The following PPP2R5A variants were observed in gnomAD, a reference collection of about 807,000 sequenced individuals.
PPP2R5A encodes the protein protein phosphatase 2 regulatory subunit B'alpha.
In PPP2R5A, 25 loss-of-function variants were observed where a neutral mutation model predicts 64.2. That is an observed-to-expected ratio of 0.39 (90% confidence interval 0.28 to 0.54). PPP2R5A has a LOEUF of 0.54. Among genes scored for constraint, PPP2R5A ranks in the 20% least tolerant of loss-of-function variants. PPP2R5A has a pLI of 0.67. For synonymous variants in PPP2R5A, 198 were observed against 201.2 expected, an observed-to-expected ratio of 0.98 and a Z score of 0.13; for missense variants, 425 against 576.3, an observed-to-expected ratio of 0.74 and a Z score of 2.69.
At chr1:212,356,085 A>G (rs1459574140) in intron 8 of PPP2R5A, among the ~76,000 whole-genome samples, 1 of 152,114 alleles carries the variant, frequency 6.6e-6, no homozygotes, top group Non-Finnish European at 1.5e-5. Flanking sequence ...ATAAATAAAA[A>G]TAGTCTCTTT....
At chr1:212,312,376 T>C (rs1408099850) in intron 1 of PPP2R5A, among the ~76,000 whole-genome samples, 1 of 152,224 alleles carries the variant, frequency 6.6e-6, no homozygotes, top group African/African-American at 2.4e-5. Context: ...GTATTCTAAC[T>C]GAATTTTCAT....
At position 212,286,262 on chromosome 1, in the gene PPP2R5A, C is replaced by T. The variant is rs866190911; in HGVS notation, c.152C>T (p.Ala51Val). 3.3e-6 allele frequency: 5 copies of T among 1,537,878 alleles called. No individual in the cohort carries two copies. In the East Asian group the frequency reaches 1.0e-4, roughly 32 times the overall value. Reference sequence around the variant, plus strand: ...CAGTTTCGCAGCCAGGGCAGCCAGGCAGAGCTGCACCCGCTGCCCCAGCTC... The same window carrying T: ...CAGTTTCGCAGCCAGGGCAGCCAGGTAGAGCTGCACCCGCTGCCCCAGCTC... ...SSQFRSQGSQ[A>V]ELHPLPQLKD... is the part of the protein sequence containing the mutation. Residue 51 changes from alanine (A) to valine (V), a missense_variant, in exon 1 of 13, where the codon GCA becomes GTA. Transcript: ENST00000261461.
intron 1 of PPP2R5A, among the ~76,000 whole-genome samples, chr1:212,308,209 G>C (rs913302613): frequency 6.6e-6 from 1 of 152,116 alleles, no homozygotes; most frequent in Non-Finnish European, 1.5e-5. Flanking sequence ...TCTGGCCTCA[G>C]TTGTTTTTGC....
At chr1:212,349,053 C>A in intron 7 of PPP2R5A, 136 bp from the exon 8 acceptor site, 1 of 468,216 alleles carries the variant, frequency 2.1e-6, no homozygotes, top group Non-Finnish European at 3.5e-6. Context: ...ATTTCATTCA[C>A]AGTTGTGAGT....
intron 1 of PPP2R5A, among the ~76,000 whole-genome samples, chr1:212,295,606 A>G (rs1352074684): frequency 6.6e-6 from 1 of 152,206 alleles, no homozygotes; most frequent in Non-Finnish European, 1.5e-5. Flanking sequence ...GGTAAGGGAA[A>G]AAGGTACAAC....
intron 1 of PPP2R5A, chr1:212,319,681 C>G (rs1198871322): frequency 7.3e-6 from 1 of 137,674 alleles, no homozygotes; most frequent in Non-Finnish European, 1.5e-5. Flanking sequence ...AGTGCAATGG[C>G]GCGATCTCGG....
chr1:212,301,930 T>G (rs1658805310), intron 1 of PPP2R5A: 1 of 1,321,256 alleles, frequency 7.6e-7, no homozygotes, highest in Admixed American at 3.2e-5. Flanking sequence ...AGTTATAAAA[T>G]TATTATTTGT....
chr1:212,297,096 CTTTTTTTTTTTTTTTTTTTTTTTTT>C lies in PPP2R5A; in HGVS notation c.181+10823_181+10847del, dbSNP rs869112186. 2.1e-4 allele frequency among the ~76,000 whole-genome samples: 17 copies of C among 82,670 alleles called. No individual in the cohort carries two copies. The East Asian group carries it at 3.4e-3, about 16-fold the overall frequency. The allele number at this position is 82,670 out of a possible 152,430, so 54.2% of individuals were successfully genotyped here. ...TTTCTTTTCTTTTTCTTTGCTTCTT[CTTTTTTTTTTTTTTTTTTTTTTTTT>C]TTTTTTTTTTTTTTTTTGGAGACGG... On this transcript the variant is annotated intron_variant, in intron 1 of 12. Transcript: ENST00000261461.
rs75305252 is a variant in PPP2R5A, at chr1:212,319,947, G to T, written c.182-9188G>T. Among the ~76,000 whole-genome samples the T allele has an allele frequency of 7.2e-4, 74 of 103,314 alleles. 1 individual carries two copies. The highest frequency in any genetic ancestry group is 5.6e-3 in the Middle Eastern group (1 of 180). 67.8% of individuals were successfully genotyped at this position (103,314 alleles called of 152,430 possible). On this transcript the variant is annotated intron_variant, in intron 1 of 12. Transcript: ENST00000261461. ...CTATGTGTTCTTTTTCTTACAGATT[G>T]TTTTTTTTTTTTTTTTTTTTTATTG...
At chr1:212,291,391 A>G (rs1325783515) in intron 1 of PPP2R5A, among the ~76,000 whole-genome samples, 2 of 152,188 alleles carry the variant, frequency 1.3e-5, no homozygotes, top group African/African-American at 4.8e-5. Flanking sequence ...CTATACCTGG[A>G]GAGTTTAAAA....
chr1:212,306,646 T>A (rs1250441303), intron 1 of PPP2R5A: 1 of 152,144 alleles, frequency 6.6e-6, no homozygotes, highest in Non-Finnish European at 1.5e-5. Context: ...CTTGTATTTT[T>A]AAATTTAAAT....
At chr1:212,306,103 C>G (rs528890220) in intron 1 of PPP2R5A, among the ~76,000 whole-genome samples, 86 of 152,288 alleles carry the variant, frequency 5.6e-4, no homozygotes, top group African/African-American at 2.0e-3. Context: ...TACCCTTTCC[C>G]CATTGGCCGG....
At chr1:212,296,974 A>G (rs2102412262) in intron 1 of PPP2R5A, among the ~76,000 whole-genome samples, 1 of 152,268 alleles carries the variant, frequency 6.6e-6, no homozygotes, top group African/African-American at 2.4e-5. Flanking sequence ...ATGGAAGTCC[A>G]GTTTGTTGCC....
intron 2 of PPP2R5A, among the ~76,000 whole-genome samples, chr1:212,332,355 C>CTTAG (rs973843268): frequency 1.3e-5 from 2 of 152,146 alleles, no homozygotes; most frequent in African/African-American, 4.8e-5. Flanking sequence ...TGATCAACCC[C>CTTAG]TTAGTAGTTG....
At chr1:212,313,444 A>G (rs1258438569) in intron 1 of PPP2R5A, among the ~76,000 whole-genome samples, 1 of 151,974 alleles carries the variant, frequency 6.6e-6, no homozygotes, top group East Asian at 1.9e-4. Context: ...CTTTTCATAT[A>G]CTTATCGGTC....
intron 8 of PPP2R5A, among the ~76,000 whole-genome samples, chr1:212,354,684 A>G (rs953904777): frequency 2.0e-5 from 3 of 151,384 alleles, no homozygotes; most frequent in Non-Finnish European, 4.4e-5. Context: ...ACTCCAGCCT[A>G]GGCAACAGAG....
chr1:212,313,592 GT>G (rs1461769245), intron 1 of PPP2R5A, among the ~76,000 whole-genome samples: 3 of 150,274 alleles, frequency 2.0e-5, no homozygotes, highest in Non-Finnish European at 4.4e-5. Flanking sequence ...ACTAATTTTT[GT>G]GTGTGAAGGA....
At chr1:212,296,547 C>T (rs528854419) in intron 1 of PPP2R5A, among the ~76,000 whole-genome samples, 11 of 152,298 alleles carry the variant, frequency 7.2e-5, no homozygotes, top group Non-Finnish European at 1.3e-4. Context: ...TATAGAACAT[C>T]TTCTGTGTAC....
intron 1 of PPP2R5A, among the ~76,000 whole-genome samples, chr1:212,326,719 CAG>C (rs1659413824): frequency 6.6e-6 from 1 of 152,156 alleles, no homozygotes; most frequent in Non-Finnish European, 1.5e-5. Flanking sequence ...CTTCATAAAG[CAG>C]AGAGTCATTA....
Sources: gnomAD v4.1 joint callset for allele counts (sites outside exome capture counted in the v4.1 genomes callset) on GRCh38, gnomAD v4.1.1 for gene constraint, MANE v1.5 for transcripts, NCBI Gene and HGNC (gene_info 2026-07-23, HGNC 2026-07-21) for gene names.